TMPRSS11F: variants seen among roughly 807,000 people sequenced by gnomAD.
TMPRSS11F encodes transmembrane serine protease 11F, also known as transmembrane protease serine 11F.
A neutral mutation model predicts 60.2 loss-of-function variants in TMPRSS11F; 47 were observed. The observed-to-expected ratio is 0.78, with a 90% CI of 0.62 to 1.00. The LOEUF (loss-of-function observed/expected upper bound fraction) is 1.00, where lower values mean the gene tolerates loss of function less well. Ranked by LOEUF, TMPRSS11F falls within the 50% of genes least tolerant of loss-of-function variation. The pLI is 0.00. For synonymous variants in TMPRSS11F, 166 were observed against 167.3 expected (o/e 0.99, Z 0.06); for missense variants, 519 against 522.9 (o/e 0.99, Z 0.07).
chr4:68,084,937 A>C (rs1421138929), intron 3 of TMPRSS11F, among the ~76,000 whole-genome samples: 30 of 134,334 alleles, frequency 2.2e-4, no homozygotes, highest in African/African-American at 8.2e-4. Context: ...TCCTGTGTCC[A>C]TGTGATCTCA....
chr4:68,066,692 A>G (rs1006628806), intron 7 of TMPRSS11F, among the ~76,000 whole-genome samples: 3 of 152,058 alleles, frequency 2.0e-5, no homozygotes, highest in Admixed American at 2.0e-4. Flanking sequence ...TCCCAGCACT[A>G]TGGGAGGCTG....
At position 68,107,494 on chromosome 4, in the gene TMPRSS11F, G is replaced by A. The variant is rs115078609; in HGVS notation, c.12-8456C>T. ...GATGGAGCCATGTAACTATCTGAGG[G>A]GAAAATGTTACAGCAAAGAAATAGT... is the stretch of plus-strand genomic sequence containing the variant. On this transcript the variant is annotated intron_variant, in intron 1 of 9. Coordinates refer to ENST00000356291, the MANE Select transcript of TMPRSS11F (RefSeq NM_207407.2). Among the ~76,000 whole-genome samples the A allele has an allele frequency of 2.0e-3, 305 of 152,196 alleles. 1 individual carries two copies. Among genetic ancestry groups the A allele is most frequent in the African/African-American group, 7.1e-3 (293 of 41,546 alleles).
At chr4:68,094,193 T>TATAC (rs1337035585) in intron 2 of TMPRSS11F, among the ~76,000 whole-genome samples, 3 of 98,332 alleles carry the variant, frequency 3.1e-5, no homozygotes, top group African/African-American at 6.7e-5. Flanking sequence ...ATGTGGCACA[T>TATAC]ATACACCATG....
chr4:68,056,885 T>A (rs1038767493), intron 9 of TMPRSS11F, among the ~76,000 whole-genome samples: 1 of 152,216 alleles, frequency 6.6e-6, no homozygotes, highest in Non-Finnish European at 1.5e-5. Flanking sequence ...AAAACACATA[T>A]ATTTATGGTC....
At chr4:68,114,856 A>C (rs1035661462) in intron 1 of TMPRSS11F, among the ~76,000 whole-genome samples, 2 of 151,990 alleles carry the variant, frequency 1.3e-5, no homozygotes, top group Non-Finnish European at 2.9e-5. Flanking sequence ...TTAGTTCAAA[A>C]TTTGAAAACC....
At chr4:68,119,483 A>G (rs1006127357) in intron 1 of TMPRSS11F, among the ~76,000 whole-genome samples, 2 of 152,156 alleles carry the variant, frequency 1.3e-5, no homozygotes, top group Non-Finnish European at 2.9e-5. Context: ...CCCTCTTGTT[A>G]GGAGCTAATA....
intron 1 of TMPRSS11F, among the ~76,000 whole-genome samples, chr4:68,102,435 C>A (rs1415236447): frequency 6.6e-6 from 1 of 152,132 alleles, no homozygotes; most frequent in African/African-American, 2.4e-5. Flanking sequence ...ACATTCTCAG[C>A]AACACTGTCC....
At chr4:68,091,765 C>CTATCTATCTA (rs1290302918) in intron 2 of TMPRSS11F, among the ~76,000 whole-genome samples, 18 of 114,660 alleles carry the variant, frequency 1.6e-4, no homozygotes, top group African/African-American at 4.3e-4. Context: ...CTCTCTCTCT[C>CTATCTATCTA]TCTCTCTCTC....
At chr4:68,057,939 A>G (rs1017775318) in intron 9 of TMPRSS11F, among the ~76,000 whole-genome samples, 1 of 152,208 alleles carries the variant, frequency 6.6e-6, no homozygotes, top group African/African-American at 2.4e-5. Context: ...TCTAGAGGAC[A>G]TTATGCTAAG....
chr4:68,121,978 A>G (rs1253769982), intron 1 of TMPRSS11F, among the ~76,000 whole-genome samples: 4 of 152,186 alleles, frequency 2.6e-5, no homozygotes, highest in Non-Finnish European at 4.4e-5. Context: ...TCAACTCAAA[A>G]AACAACCCAA....
At chr4:68,126,806 A>G (rs1724721491) in intron 1 of TMPRSS11F, among the ~76,000 whole-genome samples, 1 of 152,240 alleles carries the variant, frequency 6.6e-6, no homozygotes, top group Non-Finnish European at 1.5e-5. Context: ...TGAAGAGAGG[A>G]CGGCTGTACT....
chr4:68,095,463 G>A (rs4307011), intron 2 of TMPRSS11F, among the ~76,000 whole-genome samples: 46,357 of 152,034 alleles, frequency 0.3, 7,187 homozygotes, highest in East Asian at 0.49. Context: ...TTAAGATTAT[G>A]AGGATAATGC....
intron 2 of TMPRSS11F, among the ~76,000 whole-genome samples, chr4:68,096,144 G>C (rs769813260): frequency 6.6e-6 from 1 of 151,706 alleles, no homozygotes; most frequent in South Asian, 2.1e-4. Context: ...GACTAAAGCT[G>C]CCTTCAACAA....
chr4:68,072,585 T>A (rs1469929213), intron 4 of TMPRSS11F, 99 bp from the exon 5 acceptor site: 2 of 776,316 alleles, frequency 2.6e-6, no homozygotes, highest in African/African-American at 3.6e-5. Context: ...TAATGCATGA[T>A]ACATGTGCAT....
At position 68,053,727 on chromosome 4, in the gene TMPRSS11F, G is replaced by A. The variant is rs1722986745; in HGVS notation, c.*182C>T. On this transcript the variant is annotated 3_prime_UTR_variant, in exon 10 of 10. Coordinates refer to ENST00000356291, the MANE Select transcript of TMPRSS11F (RefSeq NM_207407.2). ...CATTTGCTGTGTCTTCTTCCCTCATGGTAGAGAGGGTTTGGTCCTACGTAT... is the reference window on the plus strand; with the variant it reads ...CATTTGCTGTGTCTTCTTCCCTCATAGTAGAGAGGGTTTGGTCCTACGTAT... 2.0e-6 allele frequency: 1 copy of A among 490,896 alleles called. No homozygotes were observed. Among genetic ancestry groups the A allele is most frequent in the Admixed American group, 3.7e-5 (1 of 26,774 alleles). The allele number at this position is 490,896 out of a possible 1,614,324, so 30.4% of individuals were successfully genotyped here. A position where few individuals can be genotyped will look rare whatever the true frequency, so the allele number is the denominator to read the frequency against.
rs116725656 is a variant in TMPRSS11F, at chr4:68,122,958, A to C, written c.11+6852T>G. Among the ~76,000 whole-genome samples the C allele has an allele frequency of 7.3e-3, 1,108 of 152,326 alleles. 10 individuals are homozygous for C. Among genetic ancestry groups the C allele is most frequent in the Non-Finnish European group, 0.013 (884 of 68,022 alleles). On this transcript the variant is annotated intron_variant, in intron 1 of 9. Coordinates refer to ENST00000356291, the MANE Select transcript of TMPRSS11F (RefSeq NM_207407.2). ...GGAAGTGAGGTAAGAACATAGTCAC[A>C]GTTGCCTTTACTATGTTCCTTGATA...
At chr4:68,098,422 T>C (rs1013176719) in intron 2 of TMPRSS11F, among the ~76,000 whole-genome samples, 1 of 152,210 alleles carries the variant, frequency 6.6e-6, no homozygotes, top group African/African-American at 2.4e-5. Flanking sequence ...TAGGAAGTAA[T>C]ACTGAGCTTT....
intron 3 of TMPRSS11F, among the ~76,000 whole-genome samples, chr4:68,086,636 AAAAG>A (rs1723820203): frequency 1.3e-5 from 2 of 152,122 alleles, no homozygotes; most frequent in South Asian, 4.1e-4. Context: ...CTAAATTAGA[AAAAG>A]AGAGAGACAA....
chr4:68,092,999 T>C (rs1303715619), intron 2 of TMPRSS11F, among the ~76,000 whole-genome samples: 4 of 152,328 alleles, frequency 2.6e-5, no homozygotes, highest in East Asian at 3.9e-4. Flanking sequence ...CTTTCCTTTA[T>C]TGAATTGTCC....
Sources: allele counts gnomAD v4.1 joint callset (sites outside exome capture counted in the v4.1 genomes callset), GRCh38; gene constraint gnomAD v4.1.1; transcripts MANE v1.5; gene names NCBI Gene and HGNC (gene_info 2026-07-23, HGNC 2026-07-21).